The following PDGFD variants were observed in gnomAD, a reference collection of about 807,000 sequenced individuals.
The protein encoded by PDGFD is platelet derived growth factor D.
A neutral mutation model predicts 44.7 loss-of-function variants in PDGFD; 30 were observed. The observed-to-expected ratio is 0.67, with a 90% confidence interval of 0.50 to 0.91. The LOEUF (loss-of-function observed/expected upper bound fraction) is 0.91. Ranked by LOEUF, PDGFD falls within the 40% of genes least tolerant of loss-of-function variation. The pLI is 0.00. For missense variants in PDGFD, 445 were observed against 457.8 expected, an observed-to-expected ratio of 0.97 and a Z score of 0.25; for synonymous variants, 173 against 168.4, an observed-to-expected ratio of 1.03 and a Z score of -0.21.
At chr11:104,016,681 T>G (rs953367557) in intron 1 of PDGFD, among the ~76,000 whole-genome samples, 1 of 152,252 alleles carries the variant, frequency 6.6e-6, no homozygotes, top group Non-Finnish European at 1.5e-5. Flanking sequence ...CCTTGAAATA[T>G]GCATTCAACC....
chr11:103,987,074 C>G (rs770716579), intron 3 of PDGFD, among the ~76,000 whole-genome samples: 2 of 126,580 alleles, frequency 1.6e-5, no homozygotes, highest in South Asian at 2.7e-4. Context: ...AACCCCCCCC[C>G]ACCCCAAACA....
At chr11:103,999,241 C>T (rs560439840) in intron 2 of PDGFD, among the ~76,000 whole-genome samples, 53 of 152,004 alleles carry the variant, frequency 3.5e-4, no homozygotes, top group African/African-American at 1.2e-3. Context: ...GGAAAATAAA[C>T]CCGCTGAAAG....
chr11:104,036,682 CCTCT>C, intron 1 of PDGFD: 2 of 688,052 alleles, frequency 2.9e-6, no homozygotes, highest in Non-Finnish European at 5.0e-6. Context: ...AGTGTCCGCG[CCTCT>C]CTGAGAGGTG....
chr11:104,002,758 C>T (rs1400923396), intron 1 of PDGFD, among the ~76,000 whole-genome samples: 2 of 152,084 alleles, frequency 1.3e-5, no homozygotes, highest in Admixed American at 1.3e-4. Context: ...ATTTTTGTGC[C>T]TCTAGTGCTA....
chr11:104,000,162 T>C lies in PDGFD; in HGVS notation c.218A>G (p.Tyr73Cys). 6.2e-7 allele frequency: 1 copy of C among 1,614,038 alleles called. No homozygotes were observed. Among genetic ancestry groups the C allele is most frequent in the Non-Finnish European group, 8.5e-7 (1 of 1,179,968 alleles). The change falls in exon 2 of 7, where the codon TAC (tyrosine) becomes TGC (cysteine). Residue 73 changes from tyrosine to cysteine, a missense_variant. Physicochemically the swap from Tyr to Cys is radical, Grantham distance 194. Transcript: ENST00000393158. ...CCATGTCAGGAGCAGGTTCCTGGGG[T>C]AGCTGTTCGGGAATCTAGGACTCTG... ...YVQSPRFPNS[Y>C]PRNLLLTWRL... is the part of the protein sequence containing the mutation.
chr11:103,936,817 T>C (rs1858495198), intron 5 of PDGFD, among the ~76,000 whole-genome samples: 1 of 146,016 alleles, frequency 6.8e-6, no homozygotes, highest in African/African-American at 2.8e-5. Context: ...GTTTTTTTGT[T>C]TGTTTGTTTT....
chr11:104,033,387 T>C (rs901492578), intron 1 of PDGFD, among the ~76,000 whole-genome samples: 2 of 152,130 alleles, frequency 1.3e-5, no homozygotes, highest in African/African-American at 4.8e-5. Context: ...TGACAGCTCA[T>C]TGGCCAGACC....
chr11:103,951,530 A>G (rs992555216), intron 3 of PDGFD, among the ~76,000 whole-genome samples: 1 of 152,110 alleles, frequency 6.6e-6, no homozygotes, highest in African/African-American at 2.4e-5. Context: ...TCTGACTACC[A>G]TTTGCCTCTA....
chr11:103,991,599 T>C (rs550796682), intron 3 of PDGFD, among the ~76,000 whole-genome samples: 1 of 152,326 alleles, frequency 6.6e-6, no homozygotes, highest in South Asian at 2.1e-4. Context: ...CTTTCCAAGC[T>C]TTCAAATGAC....
chr11:104,037,857 G>GA (rs1860278927), intron 1 of PDGFD: 1 of 1,614,146 alleles, frequency 6.2e-7, no homozygotes, highest in Middle Eastern at 1.6e-4. Flanking sequence ...TCGATTTGAA[G>GA]AAAAATGTGC....
intron 1 of PDGFD, among the ~76,000 whole-genome samples, chr11:104,064,835 T>C (rs900893724): frequency 6.6e-6 from 1 of 152,214 alleles, no homozygotes; most frequent in African/African-American, 2.4e-5. Context: ...TAACAATACA[T>C]AGTTAATACA....
intron 6 of PDGFD, among the ~76,000 whole-genome samples, chr11:103,921,376 T>C (rs56158945): frequency 0.018 from 2,780 of 152,306 alleles, 91 homozygotes; most frequent in African/African-American, 0.062. Context: ...TTTGAAAATT[T>C]AGGTACTTTT....
Position 104,066,947 on chromosome 11 carries a change from A to G in PDGFD, c.125-66692T>C, listed in dbSNP as rs1860798983. Among the ~76,000 whole-genome samples, 3 of 152,180 alleles carry G rather than the reference A, an allele frequency of 2.0e-5. No homozygotes were observed. The South Asian group carries it at 6.2e-4, about 31-fold the overall frequency. ...CTTCCACCCTAAGTCATATATTTCA[A>G]TTCTTCTAATAGTTATTGTGGACCA... On this transcript the variant is annotated intron_variant, in intron 1 of 6. Transcript: ENST00000393158.
chr11:103,954,930 CGAGGCG>C (rs1177870751), intron 3 of PDGFD, among the ~76,000 whole-genome samples: 6 of 151,682 alleles, frequency 4.0e-5, no homozygotes, highest in African/African-American at 1.2e-4. Context: ...TTTGGGAGGC[CGAGGCG>C]GGCGGATCAC....
intron 1 of PDGFD, among the ~76,000 whole-genome samples, chr11:104,120,877 C>A (rs370432308): frequency 1.3e-5 from 2 of 151,882 alleles, no homozygotes; most frequent in Non-Finnish European, 2.9e-5. Flanking sequence ...CAAAGTAGAT[C>A]AGAAGTCCTT....
chr11:104,147,816 T>C (rs944334258), intron 1 of PDGFD, among the ~76,000 whole-genome samples: 1 of 152,130 alleles, frequency 6.6e-6, no homozygotes, highest in African/African-American at 2.4e-5. Context: ...ACATTACAAA[T>C]ACAAATAATA....
In PDGFD at chr11:103,927,106, C is replaced by G. The variant is rs1271627195; in HGVS notation, c.793G>C (p.Asp265His). 6.2e-7 allele frequency: 1 copy of G among 1,614,124 alleles called. No homozygotes were observed. The highest frequency in any genetic ancestry group is 1.6e-4 in the Middle Eastern group (1 of 6,062). ...KSKVDLDRLN[D>H]DAKRYSCTPR... ...GTGCAACTGTAACGCTTGGCATCAT[C>G]ATTGAGCCTATCCAGGTCAACTGTA... Residue 265 changes from aspartate (D) to histidine (H), a missense_variant, in exon 6 of 7, where the codon GAT (aspartate) becomes CAT (histidine). Physicochemically the swap from Asp to His is moderately conservative, Grantham distance 81. Coordinates refer to ENST00000393158, the MANE Select transcript of PDGFD (RefSeq NM_025208.5).
intron 1 of PDGFD, among the ~76,000 whole-genome samples, chr11:104,142,331 ATG>A (rs1300227862): frequency 6.6e-6 from 1 of 152,102 alleles, no homozygotes; most frequent in Non-Finnish European, 1.5e-5. Context: ...TTATATGAAT[ATG>A]TGTGCGTGGT....
chr11:104,096,006 A>T (rs1481571472), intron 1 of PDGFD, among the ~76,000 whole-genome samples: 2 of 152,202 alleles, frequency 1.3e-5, no homozygotes, highest in Non-Finnish European at 2.9e-5. Flanking sequence ...GAATTAATAC[A>T]ATCTGCAGAT....
Sources: allele counts gnomAD v4.1 joint callset (sites outside exome capture counted in the v4.1 genomes callset), GRCh38; gene constraint gnomAD v4.1.1; transcripts MANE v1.5; gene names NCBI Gene and HGNC (gene_info 2026-07-23, HGNC 2026-07-21).